The following MACROD2 variants were observed in gnomAD, a reference collection of about 807,000 sequenced individuals.
MACROD2 encodes the protein mono-ADP ribosylhydrolase 2.
MACROD2 carries 36 observed loss-of-function variants against 70.4 expected under a neutral mutation model. That is an observed-to-expected ratio of 0.51 (90% confidence interval 0.39 to 0.68). The LOEUF (loss-of-function observed/expected upper bound fraction) is 0.68. Ranked by LOEUF, MACROD2 falls within the 30% of genes least tolerant of loss-of-function variation. The pLI is 0.00. For missense variants in MACROD2, 496 were observed against 538.4 expected (o/e 0.92, Z 0.78); for synonymous variants, 172 against 178.8 (o/e 0.96, Z 0.30).
chr20:14,809,657 T>C (rs2072684733), intron 5 of MACROD2, among the ~76,000 whole-genome samples: 1 of 152,016 alleles, frequency 6.6e-6, no homozygotes, highest in African/African-American at 2.4e-5. Flanking sequence ...AGCTCATTTT[T>C]TTGAAAAGAT....
chr20:15,762,123 G>GAAT lies in MACROD2; in HGVS notation c.646-100609_646-100607dup, dbSNP rs541672036. ...AAAAGCCCCAGCTATTTCTAGGTTT[G>GAAT]AATAATAATAATAATGGAAATAATG... On this transcript the variant is annotated intron_variant, in intron 8 of 17. Coordinates refer to ENST00000684519, the MANE Select transcript of MACROD2 (RefSeq NM_001351661.2). 7.4e-4 allele frequency among the ~76,000 whole-genome samples: 113 copies of GAAT among 152,172 alleles called. 1 individual carries two copies. The highest frequency in any genetic ancestry group is 2.0e-3 in the Admixed American group (31 of 15,274).
intron 5 of MACROD2, among the ~76,000 whole-genome samples, chr20:15,227,823 G>GTTT (rs59129207): frequency 0.016 from 744 of 46,046 alleles, 171 homozygotes; most frequent in African/African-American, 0.041. Context: ...AATTTCACCT[G>GTTT]TTTTTTTTTT....
intron 3 of MACROD2, among the ~76,000 whole-genome samples, chr20:14,415,668 G>A (rs1268569248): frequency 1.3e-5 from 2 of 152,184 alleles, no homozygotes; most frequent in African/African-American, 4.8e-5. Context: ...AGCTATCCAT[G>A]TAGGAAACTC....
chr20:15,225,638 A>G (rs920648900), intron 5 of MACROD2, among the ~76,000 whole-genome samples: 1 of 152,082 alleles, frequency 6.6e-6, no homozygotes, highest in African/African-American at 2.4e-5. Context: ...TCTGAATTTT[A>G]TTTTTATGTT....
chr20:15,087,149 G>GA (rs2075755121), intron 5 of MACROD2, among the ~76,000 whole-genome samples: 2 of 151,674 alleles, frequency 1.3e-5, no homozygotes, highest in African/African-American at 4.8e-5. Context: ...CAGTTAAATG[G>GA]AAGCAGACAC....
intron 5 of MACROD2, among the ~76,000 whole-genome samples, chr20:14,831,074 G>A (rs148825460): frequency 5.5e-4 from 84 of 152,146 alleles, no homozygotes; most frequent in African/African-American, 1.7e-3. Flanking sequence ...GCTGTGTTGC[G>A]AGCCTCACTT....
intron 6 of MACROD2, among the ~76,000 whole-genome samples, chr20:15,347,974 G>T (rs1488453750): frequency 6.6e-6 from 1 of 152,208 alleles, no homozygotes; most frequent in East Asian, 1.9e-4. Context: ...TTCCTTGCAA[G>T]TATGTCAAAG....
At chr20:15,392,192 G>C (rs1273805032) in intron 6 of MACROD2, among the ~76,000 whole-genome samples, 1 of 152,142 alleles carries the variant, frequency 6.6e-6, no homozygotes, top group Non-Finnish European at 1.5e-5. Flanking sequence ...CTGACAGTTA[G>C]AGGAACTACA....
chr20:14,946,023 C>T (rs2074428987), intron 5 of MACROD2, among the ~76,000 whole-genome samples: 1 of 152,136 alleles, frequency 6.6e-6, no homozygotes. Context: ...GCCTGGCCAA[C>T]ATGGTGAAAC....
At chr20:15,854,873 T>C (rs1241787064) in intron 8 of MACROD2, among the ~76,000 whole-genome samples, 1 of 152,218 alleles carries the variant, frequency 6.6e-6, no homozygotes, top group African/African-American at 2.4e-5. Flanking sequence ...TACTTAAGCT[T>C]TGAAATTTAA....
At chr20:13,996,648 G>A (rs2052661792) in intron 1 of MACROD2, among the ~76,000 whole-genome samples, 3 of 151,916 alleles carry the variant, frequency 2.0e-5, no homozygotes, top group African/African-American at 7.3e-5. Flanking sequence ...ACGATCCAGC[G>A]TCTCCCACCA....
At chr20:15,954,990 G>A (rs1484727447) in intron 12 of MACROD2, among the ~76,000 whole-genome samples, 1 of 152,146 alleles carries the variant, frequency 6.6e-6, no homozygotes, top group Non-Finnish European at 1.5e-5. Context: ...AGCAAAGAAA[G>A]TCAGACAGAT....
chr20:15,102,093 G>A (rs1353757761), intron 5 of MACROD2, among the ~76,000 whole-genome samples: 1 of 151,818 alleles, frequency 6.6e-6, no homozygotes, highest in Non-Finnish European at 1.5e-5. Flanking sequence ...ATGGACAGGT[G>A]TTAATATTCA....
At chr20:14,423,376 G>T (rs1302566664) in intron 3 of MACROD2, among the ~76,000 whole-genome samples, 3 of 151,596 alleles carry the variant, frequency 2.0e-5, no homozygotes, top group Admixed American at 6.6e-5. Flanking sequence ...GATGTTTCTG[G>T]GGGATGGGGG....
At chr20:14,186,760 C>T (rs1213018521) in intron 3 of MACROD2, among the ~76,000 whole-genome samples, 1 of 152,188 alleles carries the variant, frequency 6.6e-6, no homozygotes, top group African/African-American at 2.4e-5. Context: ...GAATGCTACG[C>T]AGCTATAGAA....
At chr20:15,237,784 GCT>G (rs1278522769) in intron 6 of MACROD2, among the ~76,000 whole-genome samples, 1 of 152,090 alleles carries the variant, frequency 6.6e-6, no homozygotes, top group Non-Finnish European at 1.5e-5. Context: ...GAGGAGAAAA[GCT>G]GGACTATTTT....
chr20:14,636,009 TTA>T (rs1600484345), intron 4 of MACROD2, among the ~76,000 whole-genome samples: 1 of 152,160 alleles, frequency 6.6e-6, no homozygotes. Context: ...TTTGATTTAT[TTA>T]TGTTTTGCTT....
At chr20:14,580,434 G>A (rs945148248) in intron 4 of MACROD2, among the ~76,000 whole-genome samples, 26 of 44,108 alleles carry the variant, frequency 5.9e-4, no homozygotes, top group African/African-American at 1.4e-3. Flanking sequence ...TCTTTTTCCC[G>A]TTGCCTGAAA....
At chr20:15,440,692 A>G (rs1171611337) in intron 7 of MACROD2, among the ~76,000 whole-genome samples, 1 of 152,190 alleles carries the variant, frequency 6.6e-6, no homozygotes, top group Non-Finnish European at 1.5e-5. Context: ...ATTGCTGTGC[A>G]TATTTACAGA....
Sources: allele counts gnomAD v4.1 joint callset (sites outside exome capture counted in the v4.1 genomes callset), GRCh38; gene constraint gnomAD v4.1.1; transcripts MANE v1.5; gene names NCBI Gene and HGNC (gene_info 2026-07-23, HGNC 2026-07-21).